Variants in TOP2B observed in about 807,000 individuals in gnomAD.
TOP2B encodes DNA topoisomerase II beta, also known as DNA topoisomerase 2-beta.
In TOP2B, 51 loss-of-function variants were observed where a neutral mutation model predicts 193.5. That is an observed-to-expected ratio of 0.26 (90% confidence interval 0.21 to 0.33). The LOEUF is 0.33. Ranked by LOEUF, TOP2B falls within the 10% of genes least tolerant of loss-of-function variation. The probability of loss-of-function intolerance (pLI) is 1.00; values close to 1 mark genes in which losing one functional copy is unlikely to be tolerated. For missense variants in TOP2B, 1,378 were observed against 1,909.3 expected, an observed-to-expected ratio of 0.72 and a Z score of 5.19; for synonymous variants, 634 against 635.7, an observed-to-expected ratio of 1.00 and a Z score of 0.04.
chr3:25,622,148 C>T (rs1346524846), intron 21 of TOP2B, among the ~76,000 whole-genome samples: 2 of 152,156 alleles, frequency 1.3e-5, no homozygotes, highest in African/African-American at 4.8e-5. Flanking sequence ...AAGATAAAAA[C>T]CATAGCTCTT....
chr3:25,624,418 A>G lies in TOP2B; in HGVS notation c.2374T>C (p.Leu792=). Reference sequence around the variant, plus strand: ...TTACTTCCCACAAAGTTCTGAGCCAAATTCACAATAGTCATCATCAATGCT... The same window carrying G: ...TTACTTCCCACAAAGTTCTGAGCCAGATTCACAATAGTCATCATCAATGCT... ...EQALMMTIVN[L]AQNFVGSNNI... The change falls in exon 20 of 36, where the codon TTG becomes CTG. Residue 792 remains leucine, a synonymous_variant. Coordinates refer to ENST00000264331, the MANE Select transcript of TOP2B (RefSeq NM_001330700.2). The G allele has an allele frequency of 6.2e-7, 1 of 1,613,938 alleles. No individual in the cohort carries two copies. The highest frequency in any genetic ancestry group is 8.5e-7 in the Non-Finnish European group (1 of 1,179,834).
chr3:25,648,384 C>T (rs1364692290), intron 1 of TOP2B, among the ~76,000 whole-genome samples: 1 of 151,976 alleles, frequency 6.6e-6, no homozygotes, highest in African/African-American at 2.4e-5. Context: ...AGGATGCATC[C>T]CCATAAAAGA....
chr3:25,630,679 G>A (rs1017135004), intron 11 of TOP2B, 122 bp downstream of exon 11: 8 of 1,021,942 alleles, frequency 7.8e-6, no homozygotes, highest in African/African-American at 5.0e-5. Flanking sequence ...TAATTTCAAT[G>A]AAGTAAAATC....
intron 21 of TOP2B, among the ~76,000 whole-genome samples, chr3:25,621,698 G>A (rs1358461234): frequency 6.6e-6 from 1 of 151,836 alleles, no homozygotes; most frequent in African/African-American, 2.4e-5. Flanking sequence ...TTAAGAAATC[G>A]AGTATATAGG....
chr3:25,619,812 A>G (rs1244566127), intron 23 of TOP2B, 50 bp downstream of exon 23: 1 of 1,379,776 alleles, frequency 7.2e-7, no homozygotes, highest in Non-Finnish European at 1.0e-6. Flanking sequence ...TAATAATCCG[A>G]CTTATACCAT....
intron 6 of TOP2B, 25 bp downstream of exon 6, chr3:25,637,190 A>C: frequency 6.7e-7 from 1 of 1,498,650 alleles, no homozygotes; most frequent in Non-Finnish European, 9.1e-7. Flanking sequence ...TTTTAAAAAA[A>C]GAAATAGATG....
chr3:25,637,290 T>C lies in TOP2B; in HGVS notation c.564A>G (p.Ala188=). ...KVTGGRNGYG[A]KLCNIFSTKF... Reference sequence around the variant, plus strand: ...TTGTACTGAAAATATTACAAAGTTTTGCACCATAACCATTACGACCACCTG... The same window carrying C: ...TTGTACTGAAAATATTACAAAGTTTCGCACCATAACCATTACGACCACCTG... The change falls in exon 6 of 36, where the codon GCA becomes GCG. Residue 188 remains alanine, a synonymous_variant. Transcript: ENST00000264331. 2.6e-6 allele frequency: 4 copies of C among 1,559,110 alleles called. No individual in the cohort carries two copies. The highest frequency in any genetic ancestry group is 4.7e-5 in the East Asian group (2 of 42,180).
At chr3:25,611,882 T>C (rs974772429) in intron 28 of TOP2B, among the ~76,000 whole-genome samples, 2 of 152,080 alleles carry the variant, frequency 1.3e-5, no homozygotes, top group Admixed American at 6.5e-5. Flanking sequence ...GATATACTTA[T>C]GGTTGGGTTT....
At chr3:25,617,143 G>C (rs1175435631) in intron 25 of TOP2B, among the ~76,000 whole-genome samples, 1 of 152,012 alleles carries the variant, frequency 6.6e-6, no homozygotes, top group Non-Finnish European at 1.5e-5. Flanking sequence ...ACTTCCACCA[G>C]AAGGACATTC....
intron 32 of TOP2B, among the ~76,000 whole-genome samples, 195 bp downstream of exon 32, chr3:25,605,848 A>G (rs1575561513): frequency 6.6e-6 from 1 of 152,232 alleles, no homozygotes; most frequent in East Asian, 1.9e-4. Flanking sequence ...CATAATGCCT[A>G]TTTTGACCAA....
intron 1 of TOP2B, among the ~76,000 whole-genome samples, chr3:25,647,145 A>G (rs1427792982): frequency 6.6e-6 from 1 of 152,234 alleles, no homozygotes; most frequent in Non-Finnish European, 1.5e-5. Context: ...TTTTTAAAAT[A>G]CCAGATAGTC....
At chr3:25,642,465 G>T in intron 3 of TOP2B, 80 bp from the exon 4 acceptor site, 1 of 764,142 alleles carries the variant, frequency 1.3e-6, no homozygotes, top group Non-Finnish European at 2.1e-6. Context: ...GTGCATCACT[G>T]CTTAATATAA....
intron 1 of TOP2B, among the ~76,000 whole-genome samples, chr3:25,653,984 G>A (rs1176007327): frequency 6.6e-6 from 1 of 152,032 alleles, no homozygotes; most frequent in Non-Finnish European, 1.5e-5. Flanking sequence ...TACACACAAA[G>A]CCAACAGCTA....
At position 25,604,796 on chromosome 3, in the gene TOP2B, C is replaced by A. The variant is rs1323070037; in HGVS notation, c.4453G>T (p.Asp1485Tyr). ...GCTACCGTTTTACTTGGAACTTTAT[C>A]TGTCTGTTTCAGACCAAATGATGGT... ...FSPSFGLKQT[D>Y]KVPSKTVAAK... The change falls in exon 33 of 36, where the codon GAT becomes TAT. Residue 1485 changes from aspartate (D) to tyrosine (Y), a missense_variant. Around this residue, in one of 9 missense-constraint regions of TOP2B, gnomAD observed 556 missense variants for 584.2 expected, o/e 0.95. Transcript: ENST00000264331. The A allele has an allele frequency of 6.2e-7, 1 of 1,612,844 alleles. No individual in the cohort carries two copies. The highest frequency in any genetic ancestry group is 8.5e-7 in the Non-Finnish European group (1 of 1,179,388).
intron 1 of TOP2B, among the ~76,000 whole-genome samples, chr3:25,655,446 G>A (rs1013686716): frequency 1.9e-4 from 29 of 152,154 alleles, no homozygotes; most frequent in Admixed American, 7.9e-4. Flanking sequence ...CTAGAAAAAT[G>A]CTACAGCCAT....
intron 13 of TOP2B, 135 bp downstream of exon 13, chr3:25,629,894 G>T (rs1333086674): frequency 4.2e-6 from 4 of 949,554 alleles, no homozygotes; most frequent in Non-Finnish European, 6.0e-6. Context: ...AAATGACGTG[G>T]TTTTTTCATT....
chr3:25,598,349 A>G lies in TOP2B; in HGVS notation c.4839T>C (p.Ser1613=). The G allele has an allele frequency of 6.2e-7, 1 of 1,612,712 alleles. No homozygotes were observed. Among genetic ancestry groups the G allele is most frequent in the Non-Finnish European group, 8.5e-7 (1 of 1,179,228 alleles). The change falls in exon 36 of 36, where the codon TCT becomes TCC. Residue 1613 remains serine, a synonymous_variant. Coordinates refer to ENST00000264331, the MANE Select transcript of TOP2B (RefSeq NM_001330700.2). ...AATCAACATCATCTTCTTCTTCATC[A>G]GACTCTGCAAAATATTTTACTTCTT... ...ARKEVKYFAE[S]DEEEDDVDFA... is the part of the protein sequence containing the mutation.
At chr3:25,643,311 TG>T (rs1355867304) in intron 3 of TOP2B, among the ~76,000 whole-genome samples, 2 of 152,202 alleles carry the variant, frequency 1.3e-5, no homozygotes, top group Non-Finnish European at 2.9e-5. Context: ...TCTGATTTGT[TG>T]GTGAAAAACA....
At position 25,604,666 on chromosome 3, in the gene TOP2B, T is replaced by TA. The variant is rs915352961; in HGVS notation, c.4489+93dup. ...CTTATACTTCTTAATTGTTTTATGA[T>TA]AAAAAAATGCAAATAGTTTCAAATT... On this transcript the variant is annotated intron_variant, in intron 33 of 35. Transcript: ENST00000264331. 6.2e-5 allele frequency: 67 copies of TA among 1,075,778 alleles called. No individual in the cohort carries two copies. The East Asian group carries it at 7.8e-4, about 13-fold the overall frequency. 66.6% of individuals were successfully genotyped at this position (1,075,778 alleles called of 1,614,324 possible). A position where few individuals can be genotyped will look rare whatever the true frequency, so the allele number is the denominator to read the frequency against.
Sources: gnomAD v4.1 joint callset for allele counts (sites outside exome capture counted in the v4.1 genomes callset) on GRCh38, gnomAD v4.1.1 for gene constraint, gnomAD v4.1.1 regional missense constraint, MANE v1.5 for transcripts, NCBI Gene and HGNC (gene_info 2026-07-23, HGNC 2026-07-21) for gene names.